Variants in ISX observed in about 807,000 individuals in gnomAD.
ISX encodes the protein intestine specific homeobox.
ISX carries 15 observed loss-of-function variants against 16.9 expected under a neutral mutation model. The observed-to-expected ratio is 0.89, with a 90% confidence interval of 0.59 to 1.36. The LOEUF (loss-of-function observed/expected upper bound fraction) is 1.36. Ranked by LOEUF, ISX falls within the 40% of genes most tolerant of loss-of-function variation. The pLI is 0.00. For missense variants in ISX, 316 were observed against 306.1 expected (o/e 1.03, Z -0.24); for synonymous variants, 125 against 119.7 (o/e 1.04, Z -0.29).
At position 35,085,693 on chromosome 22, in the gene ISX, G is replaced by C; in HGVS notation, c.738G>C (p.Ter246TyrextTer19). 6.2e-7 allele frequency: 1 copy of C among 1,614,208 alleles called. No homozygotes were observed. The highest frequency in any genetic ancestry group is 8.5e-7 in the Non-Finnish European group (1 of 1,180,036). ...KWGSICATST[*>Y] is the part of the protein sequence containing the mutation. Reference sequence around the variant, plus strand: ...GCAGCATCTGTGCTACTTCAACATAGAGATTGGACATGCTCTCCCCAAATG... The same window carrying C: ...GCAGCATCTGTGCTACTTCAACATACAGATTGGACATGCTCTCCCCAAATG... Residue 246 changes from the stop codon to tyrosine (Y), a stop_lost, in exon 5 of 5, where the codon TAG (stop) becomes TAC (tyrosine). Transcript: ENST00000404699.
chr22:35,081,504 C>T (rs1929122676), intron 2 of ISX, among the ~76,000 whole-genome samples: 1 of 152,176 alleles, frequency 6.6e-6, no homozygotes, highest in African/African-American at 2.4e-5. Flanking sequence ...GATGCATGCA[C>T]CAGAGGCTAT....
chr22:35,073,219 A>G lies in ISX; in HGVS notation c.229+5903A>G, dbSNP rs147823518. Among the ~76,000 whole-genome samples, 20 of 152,292 alleles carry G rather than the reference A, an allele frequency of 1.3e-4. No individual in the cohort carries two copies. In the East Asian group the frequency reaches 3.9e-3, roughly 29 times the overall value. On this transcript the variant is annotated intron_variant, in intron 2 of 4. Coordinates refer to ENST00000404699, the MANE Select transcript of ISX (RefSeq NM_001303508.2). ...GCTGGGCCCACTTAAGGAGAATTTGAGAGGAGGAGTGTCCATGAAGTTGCA... is the reference window on the plus strand; with the variant it reads ...GCTGGGCCCACTTAAGGAGAATTTGGGAGGAGGAGTGTCCATGAAGTTGCA...
intron 2 of ISX, among the ~76,000 whole-genome samples, chr22:35,069,833 T>C (rs1332560250): frequency 6.6e-6 from 1 of 152,218 alleles, no homozygotes; most frequent in Admixed American, 6.5e-5. Flanking sequence ...TAAGTTCCTC[T>C]TTGTCTCCAC....
chr22:35,078,435 C>G (rs939932908), intron 2 of ISX, among the ~76,000 whole-genome samples: 4 of 151,494 alleles, frequency 2.6e-5, no homozygotes, highest in Admixed American at 1.3e-4. Context: ...AAACACAACA[C>G]CAGCTCTAAA....
chr22:35,085,691 T>C lies in ISX; in HGVS notation c.736T>C (p.Ter246GlnextTer19). The change falls in exon 5 of 5, where the codon TAG becomes CAG. Residue 246 changes from the stop codon to glutamine (Q), a stop_lost. Transcript: ENST00000404699. ...GGGCAGCATCTGTGCTACTTCAACATAGAGATTGGACATGCTCTCCCCAAA... is the reference window on the plus strand; with the variant it reads ...GGGCAGCATCTGTGCTACTTCAACACAGAGATTGGACATGCTCTCCCCAAA... ...KWGSICATST* is the reference protein window; with the variant it reads ...KWGSICATSTQ The C allele has an allele frequency of 5.0e-6, 8 of 1,614,162 alleles. No individual in the cohort carries two copies. The highest frequency in any genetic ancestry group is 4.2e-6 in the Non-Finnish European group (5 of 1,180,008).
Position 35,085,126 on chromosome 22 carries a change from T to G in ISX, c.499-328T>G, listed in dbSNP as rs187104999. 4.9e-4 allele frequency among the ~76,000 whole-genome samples: 74 copies of G among 152,210 alleles called. 1 individual carries two copies. In the East Asian group the frequency reaches 9.9e-3, roughly 20 times the overall value. ...CACAGTGATGCCATGAGATGAGATT[T>G]CTCATTTATTCATTCTTGGCAAATG... is the stretch of plus-strand genomic sequence containing the variant. On this transcript the variant is annotated intron_variant, in intron 4 of 4. Coordinates refer to ENST00000404699, the MANE Select transcript of ISX (RefSeq NM_001303508.2).
intron 4 of ISX, among the ~76,000 whole-genome samples, chr22:35,085,004 G>A (rs897827878): frequency 1.3e-5 from 2 of 152,128 alleles, no homozygotes; most frequent in Admixed American, 6.5e-5. Context: ...GAGACAGCAC[G>A]TATTTTTGAG....
chr22:35,081,729 C>A (rs553457067), intron 2 of ISX, among the ~76,000 whole-genome samples: 1 of 152,286 alleles, frequency 6.6e-6, no homozygotes, highest in South Asian at 2.1e-4. Flanking sequence ...GTCCCCAGGT[C>A]CCTGCGAGAC....
At chr22:35,077,558 C>T (rs1929016345) in intron 2 of ISX, among the ~76,000 whole-genome samples, 1 of 152,138 alleles carries the variant, frequency 6.6e-6, no homozygotes, top group African/African-American at 2.4e-5. Flanking sequence ...GAATTTTAGG[C>T]ACCCCTCCTT....
intron 2 of ISX, among the ~76,000 whole-genome samples, chr22:35,068,015 C>T (rs1218500764): frequency 6.6e-6 from 1 of 152,246 alleles, no homozygotes; most frequent in Admixed American, 6.5e-5. Context: ...GACGCACACA[C>T]CTGCTAACAG....
At chr22:35,085,424 C>T (rs1292409458) in intron 4 of ISX, 30 bp from the exon 5 acceptor site, 2 of 1,613,628 alleles carry the variant, frequency 1.2e-6, no homozygotes, top group East Asian at 4.5e-5. Flanking sequence ...TTAGGACTCA[C>T]TTCTCTCTCC....
chr22:35,067,050 C>T lies in ISX; in HGVS notation c.-38C>T. On this transcript the variant is annotated 5_prime_UTR_variant, in exon 2 of 5. Transcript: ENST00000404699. ...GAAGTACGCCACTCTCCACTGGCAC[C>T]CTCCTTGGCCTACACAGAGTCACCC... 3 of 1,536,906 alleles carry T rather than the reference C, an allele frequency of 2.0e-6. No individual in the cohort carries two copies. Among genetic ancestry groups the T allele is most frequent in the Non-Finnish European group, 2.7e-6 (3 of 1,117,830 alleles).
rs1440769926 is a variant in ISX, at chr22:35,067,286, C to T, written c.199C>T (p.Leu67=). 6.3e-7 allele frequency: 1 copy of T among 1,583,094 alleles called. No individual in the cohort carries two copies. Among genetic ancestry groups the T allele is most frequent in the Non-Finnish European group, 8.6e-7 (1 of 1,164,338 alleles). The change falls in exon 2 of 5, where the codon CTA becomes TTA. Residue 67 remains leucine (L), a synonymous_variant. Transcript: ENST00000404699. The part of the protein sequence containing the change: ...PGEAAASGSG[L]EKPPKDQPQE... ...AGAAGCTGCGGCCTCAGGCTCTGGG[C>T]TAGAAAAGCCTCCAAAGGACCAGCC... is the stretch of plus-strand genomic sequence containing the variant.
At chr22:35,067,386 A>G (rs750681347) in intron 2 of ISX, 70 bp downstream of exon 2, 1 of 1,114,170 alleles carries the variant, frequency 9.0e-7, no homozygotes, top group Non-Finnish European at 1.3e-6. Context: ...GGCAGAGAAA[A>G]AGCTTCTCCG....
At chr22:35,077,169 T>G (rs961391694) in intron 2 of ISX, among the ~76,000 whole-genome samples, 1 of 152,238 alleles carries the variant, frequency 6.6e-6, no homozygotes, top group African/African-American at 2.4e-5. Context: ...TCCTATCCTA[T>G]GCATGGGCCA....
At chr22:35,071,111 A>ACCT (rs1360730995) in intron 2 of ISX, among the ~76,000 whole-genome samples, 1 of 151,984 alleles carries the variant, frequency 6.6e-6, no homozygotes, top group Non-Finnish European at 1.5e-5. Context: ...TCCCAGGCTC[A>ACCT]CCTCCCATCA....
At chr22:35,068,070 T>C (rs1360220487) in intron 2 of ISX, among the ~76,000 whole-genome samples, 1 of 152,238 alleles carries the variant, frequency 6.6e-6, no homozygotes, top group African/African-American at 2.4e-5. Context: ...TGGCCTGCTA[T>C]GTGACCTCAG....
chr22:35,083,565 T>A (rs73168072), intron 3 of ISX, among the ~76,000 whole-genome samples: 12,010 of 152,316 alleles, frequency 0.079, 505 homozygotes, highest in Middle Eastern at 0.14. Flanking sequence ...TTCCACCAGA[T>A]CTCACTGTGG....
At chr22:35,077,737 C>G (rs766149374) in intron 2 of ISX, among the ~76,000 whole-genome samples, 23 of 152,134 alleles carry the variant, frequency 1.5e-4, no homozygotes, top group Non-Finnish European at 3.4e-4. Flanking sequence ...CAGGCAGCCC[C>G]TCCCCCATGA....
Sources: allele counts gnomAD v4.1 joint callset (sites outside exome capture counted in the v4.1 genomes callset), GRCh38; gene constraint gnomAD v4.1.1; transcripts MANE v1.5; gene names NCBI Gene and HGNC (gene_info 2026-07-23, HGNC 2026-07-21).